CACNG2: variants seen among roughly 807,000 people sequenced by gnomAD.
The protein encoded by CACNG2 is calcium voltage-gated channel auxiliary subunit gamma 2.
Under a neutral mutation model 25.9 loss-of-function variants are expected in CACNG2, and 3 were observed. The observed-to-expected ratio is 0.12, with a 90% confidence interval of 0.05 to 0.30. The LOEUF is 0.30. CACNG2 is among the 10% of genes least tolerant of loss of function. CACNG2 has a pLI of 1.00. For synonymous variants in CACNG2, 167 were observed against 173.3 expected (o/e 0.96, Z 0.29); for missense variants, 341 against 432.5 (o/e 0.79, Z 1.88).
chr22:36,679,189 CCTTCCTTCCTTTCTTT>C lies in CACNG2; in HGVS notation c.211+23161_211+23176del, dbSNP rs1388336945. ...TCCTTCCTTCCTTCCTTCCTTCCTT[CCTTCCTTCCTTTCTTT>C]CTTTCTTTCTTTCTTTCTTTCTTTC... On this transcript the variant is annotated intron_variant, in intron 1 of 3. Transcript: ENST00000300105. Among the ~76,000 whole-genome samples, 304 of 69,326 alleles carry C rather than the reference CCTTCCTTCCTTTCTTT, an allele frequency of 4.4e-3. 1 individual carries two copies. The highest frequency in any genetic ancestry group is 0.011 in the East Asian group (36 of 3,176). 45.5% of individuals were successfully genotyped at this position (69,326 alleles called of 152,430 possible).
intron 1 of CACNG2, among the ~76,000 whole-genome samples, chr22:36,687,191 A>G (rs1245578153): frequency 6.6e-6 from 1 of 152,198 alleles, no homozygotes; most frequent in East Asian, 1.9e-4. Flanking sequence ...GGGAGCGAGC[A>G]GGGGTCTGCA....
At chr22:36,673,411 G>A (rs1298914850) in intron 1 of CACNG2, among the ~76,000 whole-genome samples, 2 of 152,132 alleles carry the variant, frequency 1.3e-5, no homozygotes, top group South Asian at 2.1e-4. Flanking sequence ...TAATAACATC[G>A]GAACTATCAG....
Position 36,698,452 on chromosome 22 carries a change from T to C in CACNG2, c.211+3914A>G, listed in dbSNP as rs865939111. Among the ~76,000 whole-genome samples, 32 of 152,250 alleles carry C rather than the reference T, an allele frequency of 2.1e-4. No individual in the cohort carries two copies. The Middle Eastern group carries it at 0.014, about 65-fold the overall frequency. On this transcript the variant is annotated intron_variant, in intron 1 of 3. Coordinates refer to ENST00000300105, the MANE Select transcript of CACNG2 (RefSeq NM_006078.5). ...CGTGTCTGGGAAAGGCTATTGGCTTTCCTAAAATAAAAGATGAATCCTTTT... is the reference window on the plus strand; with the variant it reads ...CGTGTCTGGGAAAGGCTATTGGCTTCCCTAAAATAAAAGATGAATCCTTTT...
intron 1 of CACNG2, among the ~76,000 whole-genome samples, chr22:36,695,429 G>C (rs1474729554): frequency 6.6e-6 from 1 of 151,798 alleles, no homozygotes; most frequent in Non-Finnish European, 1.5e-5. Flanking sequence ...AAGCCCTTTG[G>C]GTCCTGACCA....
rs559126345 is a variant in CACNG2, at chr22:36,564,691, G to A, written c.632C>T (p.Thr211Met). 3 of 1,613,990 alleles carry A rather than the reference G, an allele frequency of 1.9e-6. No individual in the cohort carries two copies. Among genetic ancestry groups the A allele is most frequent in the African/African-American group, 1.3e-5 (1 of 75,070 alleles). ...FIDRHKQLRA[T>M]ARATDYLQAS... ...CTGGAGGTAGTCCGTGGCGCGGGCCGTGGCCCGCAGCTGTTTGTGCCGGTC... is the reference window on the plus strand; with the variant it reads ...CTGGAGGTAGTCCGTGGCGCGGGCCATGGCCCGCAGCTGTTTGTGCCGGTC... The change falls in exon 4 of 4, where the codon ACG (threonine) becomes ATG (methionine). Residue 211 changes from threonine to methionine, a missense_variant. Physicochemically the swap from Thr to Met is moderately conservative, Grantham distance 81 (BLOSUM62 -1). Coordinates refer to ENST00000300105, the MANE Select transcript of CACNG2 (RefSeq NM_006078.5). This position sits in a 1 kb window ranked among gnomAD's most constrained non-coding sequence, Gnocchi z 6.7.
rs544370321 is a variant in CACNG2, at chr22:36,561,041, A to C, written c.*3310T>G. 7.5e-4 allele frequency: 112 copies of C among 150,124 alleles called. No homozygotes were observed. The highest frequency in any genetic ancestry group is 2.7e-3 in the African/African-American group (109 of 40,710). The allele number at this position is 150,124 out of a possible 1,614,324, so 9.3% of individuals were successfully genotyped here. On this transcript the variant is annotated 3_prime_UTR_variant, in exon 4 of 4. Transcript: ENST00000300105. ...GAGCTGGACATGAGCAATCATCCACACCCCTGGGCAGCAACGCCCTTGCAG... is the reference window on the plus strand; with the variant it reads ...GAGCTGGACATGAGCAATCATCCACCCCCCTGGGCAGCAACGCCCTTGCAG...
intron 1 of CACNG2, among the ~76,000 whole-genome samples, chr22:36,674,386 T>C (rs1342819720): frequency 2.6e-5 from 4 of 152,214 alleles, no homozygotes; most frequent in Non-Finnish European, 4.4e-5. Context: ...TGGAGTGTAG[T>C]GGCACTATCT....
chr22:36,679,749 G>T (rs375865734), intron 1 of CACNG2, among the ~76,000 whole-genome samples: 5 of 152,094 alleles, frequency 3.3e-5, no homozygotes, highest in African/African-American at 1.2e-4. Flanking sequence ...TCTTAACTTG[G>T]CTGAGTTTTG....
intron 1 of CACNG2, among the ~76,000 whole-genome samples, chr22:36,592,997 C>T (rs1935619725): frequency 6.6e-6 from 1 of 152,140 alleles, no homozygotes; most frequent in Admixed American, 6.5e-5. Context: ...TCTTCTCTTG[C>T]CCCCATCCTT....
intron 1 of CACNG2, among the ~76,000 whole-genome samples, chr22:36,700,436 C>T (rs1937397446): frequency 6.6e-6 from 1 of 152,208 alleles, no homozygotes; most frequent in Admixed American, 6.5e-5. Context: ...TGCCAACCCA[C>T]CCATTTCTGG....
intron 1 of CACNG2, among the ~76,000 whole-genome samples, chr22:36,693,168 G>A (rs1176405553): frequency 1.3e-5 from 2 of 152,134 alleles, no homozygotes; most frequent in Non-Finnish European, 1.5e-5. Context: ...AAGGGGACAG[G>A]ACTTGGGGGG....
chr22:36,576,635 A>G (rs1323741996), intron 2 of CACNG2, among the ~76,000 whole-genome samples: 1 of 151,830 alleles, frequency 6.6e-6, no homozygotes, highest in African/African-American at 2.4e-5. Flanking sequence ...AAAGACCTCA[A>G]AGAAGAAAGA....
intron 1 of CACNG2, among the ~76,000 whole-genome samples, chr22:36,590,979 G>A (rs1343716734): frequency 6.6e-6 from 1 of 152,014 alleles, no homozygotes; most frequent in East Asian, 1.9e-4. Flanking sequence ...TCCCTGCACT[G>A]TGCTACTGGG....
Position 36,702,868 on chromosome 22 carries a change from T to C in CACNG2, c.-292A>G. On this transcript the variant is annotated 5_prime_UTR_variant, in exon 1 of 4. Transcript: ENST00000300105. ...TTTAAAAAGAAAAGGAAAAAAAAAA[T>C]AAAAAGACACCCCCCACCCCCCCAA... 1 of 266,574 alleles carries C rather than the reference T, an allele frequency of 3.8e-6. No individual in the cohort carries two copies. Among genetic ancestry groups the C allele is most frequent in the Non-Finnish European group, 6.8e-6 (1 of 147,130 alleles). The allele number at this position is 266,574 out of a possible 1,614,324, so 16.5% of individuals were successfully genotyped here. A position where few individuals can be genotyped will look rare whatever the true frequency, so the allele number is the denominator to read the frequency against.
intron 1 of CACNG2, among the ~76,000 whole-genome samples, chr22:36,686,808 G>T (rs1937206424): frequency 6.6e-6 from 1 of 152,206 alleles, no homozygotes; most frequent in Non-Finnish European, 1.5e-5. Flanking sequence ...TCAAAGTCAA[G>T]GTGAAGATTT....
At chr22:36,592,447 G>C (rs1404989856) in intron 1 of CACNG2, among the ~76,000 whole-genome samples, 1 of 152,088 alleles carries the variant, frequency 6.6e-6, no homozygotes, top group African/African-American at 2.4e-5. Context: ...GAGGTGGCTT[G>C]GGGCAGGCAG....
At chr22:36,575,689 A>G (rs769548241) in intron 2 of CACNG2, among the ~76,000 whole-genome samples, 8 of 152,136 alleles carry the variant, frequency 5.3e-5, no homozygotes, top group Middle Eastern at 3.2e-3. Context: ...CCTGTCCCTC[A>G]ATGATGGTCC....
chr22:36,619,705 T>C (rs897313773), intron 1 of CACNG2, among the ~76,000 whole-genome samples: 4 of 152,248 alleles, frequency 2.6e-5, no homozygotes, highest in African/African-American at 9.6e-5. Flanking sequence ...GCCTTTGTGA[T>C]GTAAGATCAA....
At chr22:36,670,620 T>C (rs1936934990) in intron 1 of CACNG2, among the ~76,000 whole-genome samples, 1 of 123,402 alleles carries the variant, frequency 8.1e-6, no homozygotes, top group Admixed American at 7.3e-5. Context: ...TTGTGTGTTT[T>C]GTTTTTGTTT....
Sources: gnomAD v4.1 joint callset for allele counts (sites outside exome capture counted in the v4.1 genomes callset) on GRCh38, gnomAD v4.1.1 for gene constraint, Gnocchi (gnomAD v3.1) non-coding constraint, MANE v1.5 for transcripts, NCBI Gene and HGNC (gene_info 2026-07-23, HGNC 2026-07-21) for gene names.